The following CDK19 variants were observed in gnomAD, a reference collection of about 807,000 sequenced individuals.
The protein encoded by CDK19 is cyclin-dependent kinase 19.
Under a neutral mutation model 68.3 loss-of-function variants are expected in CDK19, and 20 were observed. The observed-to-expected ratio is 0.29, with a 90% confidence interval of 0.21 to 0.43. The LOEUF is 0.43. Ranked by LOEUF, CDK19 falls within the 20% of genes least tolerant of loss-of-function variation. The probability of loss-of-function intolerance (pLI) is 1.00; values close to 1 mark genes in which losing one functional copy is unlikely to be tolerated. For synonymous variants in CDK19, 221 were observed against 222.8 expected, an observed-to-expected ratio of 0.99 and a Z score of 0.07; for missense variants, 339 against 623.5, an observed-to-expected ratio of 0.54 and a Z score of 4.86.
intron 4 of CDK19, among the ~76,000 whole-genome samples, chr6:110,657,261 A>G (rs1276631936): frequency 1.3e-5 from 2 of 152,200 alleles, no homozygotes; most frequent in Non-Finnish European, 2.9e-5. Flanking sequence ...AATGAACAGT[A>G]CTTAACTGAT....
intron 2 of CDK19, among the ~76,000 whole-genome samples, chr6:110,674,407 C>A (rs953860418): frequency 2.0e-5 from 3 of 152,218 alleles, no homozygotes; most frequent in Non-Finnish European, 2.9e-5. Flanking sequence ...GAGGAAGGCA[C>A]ACTGAAAGTT....
chr6:110,716,112 T>C (rs1356172343), intron 2 of CDK19, among the ~76,000 whole-genome samples: 1 of 152,180 alleles, frequency 6.6e-6, no homozygotes, highest in Non-Finnish European at 1.5e-5. Flanking sequence ...GGTAGGCAGA[T>C]TATTTTTAAA....
Position 110,611,931 on chromosome 6 carries a change from C to CA in CDK19, c.*2603dup, listed in dbSNP as rs1582663929. 2 of 152,336 alleles carry CA rather than the reference C, an allele frequency of 1.3e-5. No individual in the cohort carries two copies. Among genetic ancestry groups the CA allele is most frequent in the East Asian group, 3.9e-4 (2 of 5,188 alleles). The allele number at this position is 152,336 out of a possible 1,614,324, so 9.4% of individuals were successfully genotyped here. On this transcript the variant is annotated 3_prime_UTR_variant, in exon 13 of 13. Transcript: ENST00000368911. ...CAGTACCAGTGCAGGGATAGGAACTCAGTCATGTGTGGAATGGAGATTTCT... is the reference window on the plus strand; with the variant it reads ...CAGTACCAGTGCAGGGATAGGAACTCAAGTCATGTGTGGAATGGAGATTTCT...
At chr6:110,686,132 T>C (rs953153549) in intron 2 of CDK19, among the ~76,000 whole-genome samples, 4 of 152,168 alleles carry the variant, frequency 2.6e-5, no homozygotes, top group African/African-American at 9.7e-5. Flanking sequence ...CCAAGCATAT[T>C]TGAGGCACTG....
At chr6:110,701,265 G>A (rs561944494) in intron 2 of CDK19, among the ~76,000 whole-genome samples, 151 of 151,072 alleles carry the variant, frequency 1.0e-3, no homozygotes, top group South Asian at 3.1e-3. Flanking sequence ...AAATGGAGCC[G>A]GGCGTGGTGG....
At chr6:110,651,002 G>C (rs994288283) in intron 4 of CDK19, among the ~76,000 whole-genome samples, 3 of 152,132 alleles carry the variant, frequency 2.0e-5, no homozygotes, top group African/African-American at 7.2e-5. Context: ...GGAAAAACTT[G>C]GGTGAGCGAG....
chr6:110,623,833 T>C (rs150865085), intron 8 of CDK19, among the ~76,000 whole-genome samples: 28,710 of 146,480 alleles, frequency 0.2, 2,906 homozygotes, highest in South Asian at 0.23. Flanking sequence ...CATATACACA[T>C]ATATATACAC....
At chr6:110,661,988 G>A (rs1781646634) in intron 4 of CDK19, among the ~76,000 whole-genome samples, 1 of 151,040 alleles carries the variant, frequency 6.6e-6, no homozygotes, top group Non-Finnish European at 1.5e-5. Context: ...TTTGGGGGGG[G>A]AGACTGAGTC....
chr6:110,800,514 C>T (rs527271609), intron 1 of CDK19, among the ~76,000 whole-genome samples: 2 of 152,264 alleles, frequency 1.3e-5, no homozygotes, highest in African/African-American at 4.8e-5. Flanking sequence ...AAGAAAACTA[C>T]AGGCCAATAT....
chr6:110,627,027 T>C lies in CDK19; in HGVS notation c.765A>G (p.Ile255Met). ...NPFHHDQLDRIFSVMGFPADK... is the reference protein window; with the variant it reads ...NPFHHDQLDRMFSVMGFPADK... ...CTGCAGGAAACCCCATGACACTAAA[T>C]ATCCGATCCAGTTGATCATGATGAA... The change falls in exon 7 of 13, where the codon ATA (isoleucine) becomes ATG (methionine). Residue 255 changes from isoleucine (I) to methionine (M), a missense_variant. Ile to Met is a conservative substitution (Grantham distance 10). Transcript: ENST00000368911. 1 of 1,612,422 alleles carries C rather than the reference T, an allele frequency of 6.2e-7. No homozygotes were observed. The highest frequency in any genetic ancestry group is 8.5e-7 in the Non-Finnish European group (1 of 1,179,096).
At chr6:110,800,583 A>G (rs1782276573) in intron 1 of CDK19, among the ~76,000 whole-genome samples, 1 of 152,206 alleles carries the variant, frequency 6.6e-6, no homozygotes, top group Non-Finnish European at 1.5e-5. Context: ...CCAGCAGCAC[A>G]TTGAAAAGAT....
rs545524628 is a variant in CDK19, at chr6:110,691,316, T to C, written c.205-20775A>G. On this transcript the variant is annotated intron_variant, in intron 2 of 12. Coordinates refer to ENST00000368911, the MANE Select transcript of CDK19 (RefSeq NM_015076.5). ...AGTGAAAACCCGTCTCTACTAAAAA[T>C]ACAAAAAATTAGCCGGGTGTGGTGG... Among the ~76,000 whole-genome samples the C allele has an allele frequency of 6.6e-5, 10 of 152,002 alleles. No individual in the cohort carries two copies. The East Asian group carries it at 1.9e-3, about 30-fold the overall frequency.
intron 1 of CDK19, among the ~76,000 whole-genome samples, chr6:110,792,033 T>C (rs925185941): frequency 4.1e-4 from 61 of 150,550 alleles, no homozygotes; most frequent in Non-Finnish European, 6.4e-4. Context: ...TGCAGTGGCA[T>C]GATCTCAGCT....
At chr6:110,716,629 C>T (rs1287701293) in intron 2 of CDK19, among the ~76,000 whole-genome samples, 1 of 151,810 alleles carries the variant, frequency 6.6e-6, no homozygotes, top group Non-Finnish European at 1.5e-5. Context: ...TAGAATAGTC[C>T]CAGGCTTTGA....
chr6:110,667,343 A>T, intron 4 of CDK19, 91 bp downstream of exon 4: 1 of 828,320 alleles, frequency 1.2e-6, no homozygotes, highest in Non-Finnish European at 1.8e-6. Context: ...TTCTATAATT[A>T]ATGTTTTATT....
At chr6:110,741,608 T>C (rs1433240441) in intron 2 of CDK19, among the ~76,000 whole-genome samples, 3 of 149,814 alleles carry the variant, frequency 2.0e-5, no homozygotes, top group East Asian at 2.0e-4. Flanking sequence ...AGACACATCA[T>C]AGGCAAACTG....
rs139944193 is a variant in CDK19, at chr6:110,728,746, T to A, written c.204+17380A>T. On this transcript the variant is annotated intron_variant, in intron 2 of 12. Transcript: ENST00000368911. ...CCAGCATCTCCTATACTCTCAAATG[T>A]GGCATGCTGCGTCATGCTTATACAC... 2.1e-3 allele frequency among the ~76,000 whole-genome samples: 323 copies of A among 152,266 alleles called. 2 individuals carry two copies. The highest frequency in any genetic ancestry group is 7.5e-3 in the African/African-American group (312 of 41,562).
intron 6 of CDK19, among the ~76,000 whole-genome samples, chr6:110,630,144 T>C (rs1219153550): frequency 6.6e-6 from 1 of 152,218 alleles, no homozygotes; most frequent in East Asian, 1.9e-4. Context: ...ACCCGCTGTG[T>C]TAGCTTCTCT....
intron 5 of CDK19, among the ~76,000 whole-genome samples, chr6:110,632,697 C>A (rs1245838427): frequency 6.6e-6 from 1 of 151,962 alleles, no homozygotes; most frequent in Non-Finnish European, 1.5e-5. Context: ...CACCACTGTA[C>A]TCCAGCCTGG....
Sources: allele counts gnomAD v4.1 joint callset (sites outside exome capture counted in the v4.1 genomes callset), GRCh38; gene constraint gnomAD v4.1.1; transcripts MANE v1.5; gene names NCBI Gene and HGNC (gene_info 2026-07-23, HGNC 2026-07-21).